MYOM3: variants seen among roughly 807,000 people sequenced by gnomAD.
The protein encoded by MYOM3 is myomesin-3.
In MYOM3, 155 loss-of-function variants were observed where a neutral mutation model predicts 191.7. That is an observed-to-expected ratio of 0.81 (90% CI 0.71 to 0.92). The LOEUF (loss-of-function observed/expected upper bound fraction) is 0.92. Among genes scored for constraint, MYOM3 ranks in the 40% least tolerant of loss-of-function variants. MYOM3 has a pLI of 0.00. For missense variants in MYOM3, 1,889 were observed against 1,890.6 expected, an observed-to-expected ratio of 1.00 and a Z score of 0.02; for synonymous variants, 757 against 762.9, an observed-to-expected ratio of 0.99 and a Z score of 0.13.
chr1:24,097,857 T>G, intron 7 of MYOM3, 66 bp downstream of exon 7: 1 of 1,059,078 alleles, frequency 9.4e-7, no homozygotes, highest in Non-Finnish European at 1.5e-6. Flanking sequence ...CGCAGACCCA[T>G]GTCCTTGTCT....
At chr1:24,104,598 C>A (rs1643967075) in intron 5 of MYOM3, among the ~76,000 whole-genome samples, 1 of 152,134 alleles carries the variant, frequency 6.6e-6, no homozygotes. Context: ...GTCTCAGCCT[C>A]CCAAGTAGCT....
At chr1:24,071,283 G>T in intron 24 of MYOM3, 30 bp from the exon 25 acceptor site, 1 of 1,592,726 alleles carries the variant, frequency 6.3e-7, no homozygotes, top group Non-Finnish European at 8.6e-7. Flanking sequence ...AAGGGGGTGG[G>T]TTGGACCCCT....
At chr1:24,095,693 GAGCGGGTTCACATGAATCA>G (rs1204930668) in intron 7 of MYOM3, among the ~76,000 whole-genome samples, 3 of 152,274 alleles carry the variant, frequency 2.0e-5, no homozygotes, top group African/African-American at 7.2e-5. Context: ...AGCAAGGAAC[GAGCGGGTTCACATGAATCA>G]AGCCACCAGC....
At chr1:24,077,707 C>T (rs1570865975) in intron 20 of MYOM3, among the ~76,000 whole-genome samples, 1 of 152,222 alleles carries the variant, frequency 6.6e-6, no homozygotes, top group Non-Finnish European at 1.5e-5. Context: ...GGAATTGGTC[C>T]AGGCCTGGCA....
chr1:24,098,271 C>T (rs1557615571), intron 6 of MYOM3, among the ~76,000 whole-genome samples: 1 of 152,202 alleles, frequency 6.6e-6, no homozygotes, highest in Non-Finnish European at 1.5e-5. Flanking sequence ...TATGACATGC[C>T]ACATTGCAGT....
intron 35 of MYOM3, among the ~76,000 whole-genome samples, 163 bp downstream of exon 35, chr1:24,060,897 G>A (rs1643362216): frequency 6.6e-6 from 1 of 152,086 alleles, no homozygotes; most frequent in East Asian, 1.9e-4. Flanking sequence ...CTCGGATTCT[G>A]TCTCTGTCTT....
intron 1 of MYOM3, among the ~76,000 whole-genome samples, chr1:24,110,456 A>G (rs1351427200): frequency 1.3e-5 from 2 of 152,100 alleles, no homozygotes; most frequent in Non-Finnish European, 2.9e-5. Flanking sequence ...AGTCCATGGC[A>G]TGGAAGGTGA....
At chr1:24,084,416 G>A (rs951614546) in intron 16 of MYOM3, 52 bp downstream of exon 16, 13 of 1,578,662 alleles carry the variant, frequency 8.2e-6, no homozygotes, top group South Asian at 1.1e-5. Context: ...CCAGTCTCAG[G>A]TATGTCTTTA....
At chr1:24,059,230 C>A (rs572811557) in intron 35 of MYOM3, among the ~76,000 whole-genome samples, 116 of 152,310 alleles carry the variant, frequency 7.6e-4, no homozygotes, top group African/African-American at 2.6e-3. Flanking sequence ...GCCTTCCAGG[C>A]TCAAGCAATC....
At chr1:24,101,012 G>T (rs1260824334) in intron 5 of MYOM3, among the ~76,000 whole-genome samples, 2 of 151,970 alleles carry the variant, frequency 1.3e-5, no homozygotes, top group African/African-American at 4.8e-5. Flanking sequence ...TTTACCCACG[G>T]GCCACCCAAT....
At position 24,093,079 on chromosome 1, in the gene MYOM3, TC is replaced by T. The variant is rs771418860; in HGVS notation, c.957del (p.Lys320ArgfsTer11). ...DGSLLRSSRR[R>X]KILYTDRQAS... ...GCCTGGCGGTCTGTGTAGAGGATCT[TC>T]CGACGTCTCGAGGACCTCAGTAGGC... is the stretch of plus-strand genomic sequence containing the variant. On this transcript the variant is annotated frameshift_variant, in exon 10 of 37. Coordinates refer to ENST00000374434, the MANE Select transcript of MYOM3 (RefSeq NM_152372.4). LOFTEE classifies it high-confidence loss of function. The T allele has an allele frequency of 6.2e-7, 1 of 1,611,430 alleles. No homozygotes were observed. The highest frequency in any genetic ancestry group is 8.5e-7 in the Non-Finnish European group (1 of 1,179,740).
intron 16 of MYOM3, chr1:24,084,041 C>G (rs1643705765): frequency 5.5e-6 from 1 of 181,592 alleles, no homozygotes; most frequent in South Asian, 1.2e-4. Context: ...TCAAGGATGC[C>G]TGGTGCAGGA....
chr1:24,089,973 G>T, intron 13 of MYOM3, 92 bp downstream of exon 13: 1 of 1,313,748 alleles, frequency 7.6e-7, no homozygotes, highest in Non-Finnish European at 1.1e-6. Flanking sequence ...CCCACACCCT[G>T]CACTGGGACA....
At position 24,094,849 on chromosome 1, in the gene MYOM3, T is replaced by C. The variant is rs777940556; in HGVS notation, c.928+4A>G. 6.2e-7 allele frequency: 1 copy of C among 1,610,092 alleles called. No homozygotes were observed. The highest frequency in any genetic ancestry group is 8.5e-7 in the Non-Finnish European group (1 of 1,177,846). On this transcript the variant is annotated splice_donor_region_variant and intron_variant, in intron 9 of 36. Coordinates refer to ENST00000374434, the MANE Select transcript of MYOM3 (RefSeq NM_152372.4). The stretch of plus-strand genomic sequence containing the variant: ...GGCTGGGGGCCAGGACTGGGGGTCC[T>C]TACCATCTCGGAACCACTGGATGCT...
In MYOM3 at chr1:24,086,746, C is replaced by T. The variant is rs778883880; in HGVS notation, c.1696G>A (p.Glu566Lys). Residue 566 changes from glutamate (E) to lysine (K), a missense_variant, in exon 15 of 37, where the codon GAG becomes AAG. Coordinates refer to ENST00000374434, the MANE Select transcript of MYOM3 (RefSeq NM_152372.4). Reference sequence around the variant, plus strand: ...CTGAAGACATACGACTTCTTTTTCTCCAGGTCCAGAACGGCGAATCTCGGG... The same window carrying T: ...CTGAAGACATACGACTTCTTTTTCTTCAGGTCCAGAACGGCGAATCTCGGG... ...RSPRFAVLDLEKKKSYVFRVR... is the reference protein window; with the variant it reads ...RSPRFAVLDLKKKKSYVFRVR... 4 of 1,614,204 alleles carry T rather than the reference C, an allele frequency of 2.5e-6. No homozygotes were observed. Among genetic ancestry groups the T allele is most frequent in the South Asian group, 2.2e-5 (2 of 91,084 alleles).
In MYOM3 at chr1:24,082,006, A is replaced by G. The variant is rs1475868231; in HGVS notation, c.2275T>C (p.Cys759Arg). 1.2e-6 allele frequency: 2 copies of G among 1,608,768 alleles called. No individual in the cohort carries two copies. Among genetic ancestry groups the G allele is most frequent in the African/African-American group, 1.3e-5 (1 of 74,830 alleles). The change falls in exon 18 of 37, where the codon TGC becomes CGC. Residue 759 changes from cysteine to arginine, a missense_variant. Cys to Arg is a radical substitution (Grantham distance 180). Coordinates refer to ENST00000374434, the MANE Select transcript of MYOM3 (RefSeq NM_152372.4). The stretch of plus-strand genomic sequence containing the variant: ...GGGCCACCTTCCAGCCCTACCTTGC[A>G]GACCCGGGTGGGGATGGGCTGCTGA... ...VNQQPIPTRV[C>R]KVSDLHEGHF...
chr1:24,079,351 C>G (rs924988509), intron 20 of MYOM3, among the ~76,000 whole-genome samples: 1 of 145,930 alleles, frequency 6.9e-6, no homozygotes, highest in Non-Finnish European at 1.5e-5. Flanking sequence ...CAGGTATATA[C>G]CACCACACCT....
At position 24,057,138 on chromosome 1, in the gene MYOM3, G is replaced by A. The variant is rs1386182792; in HGVS notation, c.*226C>T. The A allele has an allele frequency of 3.5e-6, 2 of 568,840 alleles. No homozygotes were observed. The highest frequency in any genetic ancestry group is 6.2e-6 in the Non-Finnish European group (2 of 320,232). 35.2% of individuals were successfully genotyped at this position (568,840 alleles called of 1,614,324 possible). A position where few individuals can be genotyped will look rare whatever the true frequency, so the allele number is the denominator to read the frequency against. On this transcript the variant is annotated 3_prime_UTR_variant, in exon 37 of 37. Transcript: ENST00000374434. The stretch of plus-strand genomic sequence containing the variant: ...AGTGCATCCGGGTCTCCTACTCCAG[G>A]TCCAGGGTTCATCCCGCTCTCCTGG...
intron 13 of MYOM3, 116 bp downstream of exon 13, chr1:24,089,949 A>C: frequency 1.9e-6 from 2 of 1,079,260 alleles, no homozygotes; most frequent in Non-Finnish European, 1.4e-6. Context: ...ACTAGGCCCC[A>C]CCTGCCCTCA....
Sources: gnomAD v4.1 joint callset for allele counts (sites outside exome capture counted in the v4.1 genomes callset) on GRCh38, gnomAD v4.1.1 for gene constraint, MANE v1.5 for transcripts, NCBI Gene and HGNC (gene_info 2026-07-23, HGNC 2026-07-21) for gene names.